Variants in GRIK4 observed in about 807,000 individuals in gnomAD.
The protein encoded by GRIK4 is glutamate receptor ionotropic, kainate 4.
In GRIK4, 40 loss-of-function variants were observed where a neutral mutation model predicts 104.9. The ratio of observed to expected loss-of-function variants is 0.38; its 90% CI spans 0.30 to 0.50. GRIK4 has a LOEUF of 0.50. Ranked by LOEUF, GRIK4 falls within the 20% of genes least tolerant of loss-of-function variation. The pLI is 0.93. For missense variants in GRIK4, 1,047 were observed against 1,308.1 expected (o/e 0.80, Z 3.08); for synonymous variants, 485 against 524.9 (o/e 0.92, Z 1.04).
intron 1 of GRIK4, among the ~76,000 whole-genome samples, chr11:120,581,829 C>T (rs889751060): frequency 2.7e-5 from 4 of 149,528 alleles, no homozygotes; most frequent in African/African-American, 7.4e-5. Flanking sequence ...TTTTTTGAGA[C>T]GGAGTCTTGC....
chr11:120,593,134 G>T (rs1019313318), intron 1 of GRIK4, among the ~76,000 whole-genome samples: 31 of 146,006 alleles, frequency 2.1e-4, no homozygotes, highest in African/African-American at 7.9e-4. Context: ...GGTGAGCCAA[G>T]ATCGCGCATT....
intron 9 of GRIK4, chr11:120,871,818 G>A (rs1954618744): frequency 2.2e-6 from 1 of 456,224 alleles, no homozygotes; most frequent in Admixed American, 2.3e-5. Flanking sequence ...GAGAGAGAGG[G>A]AGGAAGAAAG....
Position 120,759,399 on chromosome 11 carries a change from T to A in GRIK4, c.83-43294T>A, listed in dbSNP as rs1161640457. Among the ~76,000 whole-genome samples the A allele has an allele frequency of 2.0e-5, 3 of 152,182 alleles. No individual in the cohort carries two copies. The East Asian group carries it at 5.8e-4, about 29-fold the overall frequency. ...GGGACATCAGATTCAGGCTTTCCAG[T>A]CTCTTCACTCCACTGTCCACAGCCT... On this transcript the variant is annotated intron_variant, in intron 3 of 20. Transcript: ENST00000527524.
chr11:120,853,553 CATGA>C (rs1157709575), intron 8 of GRIK4, among the ~76,000 whole-genome samples: 1 of 152,120 alleles, frequency 6.6e-6, no homozygotes, highest in East Asian at 1.9e-4. Flanking sequence ...TACCTGCTTA[CATGA>C]ATGAATGAAT....
intron 3 of GRIK4, among the ~76,000 whole-genome samples, chr11:120,749,337 C>T (rs1420757464): frequency 6.6e-6 from 1 of 152,190 alleles, no homozygotes; most frequent in African/African-American, 2.4e-5. Context: ...CTCCTCTCTT[C>T]TGTGGCTAGG....
intron 13 of GRIK4, among the ~76,000 whole-genome samples, chr11:120,906,605 A>G (rs1414548102): frequency 3.9e-5 from 6 of 152,188 alleles, no homozygotes; most frequent in African/African-American, 1.4e-4. Flanking sequence ...ATATCAAACA[A>G]ACTTGGAAAT....
intron 8 of GRIK4, among the ~76,000 whole-genome samples, chr11:120,848,524 G>A (rs1953902765): frequency 6.6e-6 from 1 of 152,096 alleles, no homozygotes; most frequent in Non-Finnish European, 1.5e-5. Flanking sequence ...GCAAGCTCAG[G>A]TGATCAGAAG....
intron 3 of GRIK4, among the ~76,000 whole-genome samples, chr11:120,705,141 G>A (rs932811364): frequency 4.6e-5 from 7 of 151,546 alleles, no homozygotes; most frequent in Admixed American, 3.9e-4. Flanking sequence ...CTCCAGTTTT[G>A]TTTGTCTTTT....
chr11:120,831,780 C>T (rs1403075123), intron 6 of GRIK4, 72 bp from the exon 7 acceptor site: 2 of 1,230,388 alleles, frequency 1.6e-6, no homozygotes, highest in African/African-American at 1.5e-5. Context: ...TCCGTGCCTT[C>T]CTGCTTCTGC....
chr11:120,843,552 A>C (rs77751729), intron 8 of GRIK4, among the ~76,000 whole-genome samples: 4,609 of 152,312 alleles, frequency 0.03, 105 homozygotes, highest in Middle Eastern at 0.11. Context: ...GTAAGTGCTA[A>C]TAAGTGCTTC....
chr11:120,814,467 G>A lies in GRIK4; in HGVS notation c.248-911G>A, dbSNP rs180891499. Among the ~76,000 whole-genome samples, 163 of 152,304 alleles carry A rather than the reference G, an allele frequency of 1.1e-3. 2 individuals are homozygous for A. In the East Asian group the frequency reaches 0.03, roughly 28 times the overall value. On this transcript the variant is annotated intron_variant, in intron 4 of 20. Coordinates refer to ENST00000527524, the MANE Select transcript of GRIK4 (RefSeq NM_014619.5). ...ATACAAAAATTAGCCAGGCGTGGTG[G>A]TGGGTGCCTGTAATCCCAGTTACTC...
intron 6 of GRIK4, among the ~76,000 whole-genome samples, chr11:120,821,494 A>T (rs1298962292): frequency 1.3e-5 from 2 of 152,118 alleles, no homozygotes; most frequent in East Asian, 3.9e-4. Context: ...AGGAACATGG[A>T]CTTGGTCCTG....
chr11:120,570,414 C>T (rs1180656576), intron 1 of GRIK4, among the ~76,000 whole-genome samples: 1 of 152,042 alleles, frequency 6.6e-6, no homozygotes, highest in Non-Finnish European at 1.5e-5. Flanking sequence ...GTGTGCATTG[C>T]TATATTTTAA....
chr11:120,565,670 G>A (rs1405998716), intron 1 of GRIK4, among the ~76,000 whole-genome samples: 3 of 152,204 alleles, frequency 2.0e-5, no homozygotes, highest in African/African-American at 4.8e-5. Flanking sequence ...GCCCGGCAGC[G>A]CTCACGGTTA....
intron 19 of GRIK4, among the ~76,000 whole-genome samples, chr11:120,981,055 T>G (rs139527726): frequency 1.3e-5 from 2 of 152,290 alleles, no homozygotes; most frequent in African/African-American, 4.8e-5. Context: ...AGGACATTAC[T>G]GACTGAACAT....
intron 6 of GRIK4, among the ~76,000 whole-genome samples, chr11:120,828,971 G>T (rs1344638139): frequency 2.0e-5 from 3 of 152,138 alleles, no homozygotes; most frequent in Non-Finnish European, 4.4e-5. Context: ...CTGCCAGGCA[G>T]CACCATGCTA....
chr11:120,767,976 A>C (rs1169958540), intron 3 of GRIK4, among the ~76,000 whole-genome samples: 1 of 150,646 alleles, frequency 6.6e-6, no homozygotes, highest in East Asian at 1.9e-4. Context: ...TAAGTCAGGA[A>C]GTGTGATGCT....
At chr11:120,732,862 A>G (rs1366196010) in intron 3 of GRIK4, among the ~76,000 whole-genome samples, 1 of 152,234 alleles carries the variant, frequency 6.6e-6, no homozygotes, top group Non-Finnish European at 1.5e-5. Flanking sequence ...TATTTATTCT[A>G]CAGTGCATAT....
At position 120,819,685 on chromosome 11, in the gene GRIK4, A is replaced by G. The variant is rs1953058783; in HGVS notation, c.346-70A>G. 1.4e-6 allele frequency: 2 copies of G among 1,442,146 alleles called. No individual in the cohort carries two copies. The highest frequency in any genetic ancestry group is 1.2e-5 in the South Asian group (1 of 86,184). The allele number at this position is 1,442,146 out of a possible 1,614,324, so 89.3% of individuals were successfully genotyped here. A position where few individuals can be genotyped will look rare whatever the true frequency, so the allele number is the denominator to read the frequency against. ...AACTCACCCTCCACAACCTCAGCTC[A>G]CTCATCCCTCTTTCTTCCTTTTCAC... On this transcript the variant is annotated intron_variant, in intron 5 of 20. Transcript: ENST00000527524. This position sits in a 1 kb window ranked among gnomAD's most constrained non-coding sequence, Gnocchi z 4.3.
Sources: gnomAD v4.1 joint callset for allele counts (sites outside exome capture counted in the v4.1 genomes callset) on GRCh38, gnomAD v4.1.1 for gene constraint, Gnocchi (gnomAD v3.1) non-coding constraint, MANE v1.5 for transcripts, NCBI Gene and HGNC (gene_info 2026-07-23, HGNC 2026-07-21) for gene names.